The following LONRF3 variants were observed in gnomAD, a reference collection of about 807,000 sequenced individuals.
LONRF3 encodes the protein LON peptidase N-terminal domain and ring finger 3.
LONRF3 carries 19 observed loss-of-function variants against 51.7 expected under a neutral mutation model. The observed-to-expected ratio is 0.37, with a 90% confidence interval of 0.26 to 0.54. The LOEUF (loss-of-function observed/expected upper bound fraction) is 0.54. Among genes scored for constraint, LONRF3 ranks in the 20% least tolerant of loss-of-function variants. LONRF3 has a pLI of 0.86. For missense variants in LONRF3, 521 were observed against 623.9 expected (o/e 0.84, Z 1.76); for synonymous variants, 265 against 257.8 (o/e 1.03, Z -0.27).
intron 5 of LONRF3, among the ~76,000 whole-genome samples, chrX:118,991,128 G>A: frequency 8.9e-6 from 1 of 111,744 alleles, no homozygotes; most frequent in Admixed American, 9.5e-5. Context: ...AAAGTCCTGG[G>A]ATTACAGGCC....
At chrX:119,007,040 T>C (rs754115275) in intron 6 of LONRF3, among the ~76,000 whole-genome samples, 1 of 112,677 alleles carries the variant, frequency 8.9e-6, no homozygotes, top group Non-Finnish European at 1.9e-5. Flanking sequence ...TCCTGTCTTA[T>C]AGCCACTGTC....
chrX:119,014,233 C>T lies in LONRF3; in HGVS notation c.2001C>T (p.Leu667=). The change falls in exon 10 of 11, where the codon CTC becomes CTT. Residue 667 remains leucine, a synonymous_variant. Transcript: ENST00000371628. ...TTCAGGGAGAGGATTGTGCTGAGCT[C>T]ATGGGATTACATAACTGTGTCTATC... is the stretch of plus-strand genomic sequence containing the variant. ...QKVQGEDCAE[L]MGLHNCVYQQ... The T allele has an allele frequency of 8.3e-7, 1 of 1,208,985 alleles. No individual in the cohort carries two copies. The highest frequency in any genetic ancestry group is 1.1e-6 in the Non-Finnish European group (1 of 893,797).
intron 2 of LONRF3, among the ~76,000 whole-genome samples, chrX:118,980,316 A>G (rs186375896): frequency 8.9e-6 from 1 of 112,474 alleles, no homozygotes; most frequent in East Asian, 2.8e-4. Context: ...CCTGTAATCC[A>G]ACACACTATT....
Position 119,011,953 on chromosome X carries a change from C to A in LONRF3, c.1791C>A (p.Cys597Ter). ...IETGTRQFGM[C>*]LGDPVKGFAE... ...CAGGCACGAGACAGTTTGGCATGTGCCTTGGAGATCCTGTCAAAGGGTAAG... is the reference window on the plus strand; with the variant it reads ...CAGGCACGAGACAGTTTGGCATGTGACTTGGAGATCCTGTCAAAGGGTAAG... The change falls in exon 8 of 11, where the codon TGC becomes TGA. Residue 597 changes from cysteine to a stop codon, truncating the protein, a stop_gained. Coordinates refer to ENST00000371628, the MANE Select transcript of LONRF3 (RefSeq NM_001031855.3). LOFTEE classifies it high-confidence loss of function. 2 of 1,211,409 alleles carry A rather than the reference C, an allele frequency of 1.7e-6. No individual in the cohort carries two copies. Among genetic ancestry groups the A allele is most frequent in the Non-Finnish European group, 2.2e-6 (2 of 895,354 alleles).
intron 1 of LONRF3, chrX:118,976,346 TGC>T (rs1044260822): frequency 3.5e-5 from 4 of 113,836 alleles, no homozygotes; most frequent in Non-Finnish European, 7.5e-5. Flanking sequence ...CACGAGCATG[TGC>T]GGGGGGAGGG....
chrX:118,976,485 C>T (rs1347630222), intron 1 of LONRF3: 1 of 113,449 alleles, frequency 8.8e-6, no homozygotes, highest in East Asian at 2.8e-4. Context: ...GCCTCCAACC[C>T]CTTTAACCTG....
At chrX:119,004,933 A>G (rs1397161777) in intron 5 of LONRF3, among the ~76,000 whole-genome samples, 1 of 112,723 alleles carries the variant, frequency 8.9e-6, no homozygotes, top group Non-Finnish European at 1.9e-5. Flanking sequence ...GAAGTTGGAT[A>G]GACTTTCATC....
intron 6 of LONRF3, among the ~76,000 whole-genome samples, chrX:119,008,732 C>G (rs1924898621): frequency 9.0e-6 from 1 of 111,201 alleles, no homozygotes; most frequent in Admixed American, 9.5e-5. Flanking sequence ...TTGAGCATAT[C>G]CCAGATGGAG....
Position 119,006,233 on chromosome X carries a change from C to T in LONRF3, c.1528C>T (p.Gln510Ter). The T allele has an allele frequency of 9.1e-7, 1 of 1,103,080 alleles. No homozygotes were observed. The highest frequency in any genetic ancestry group is 1.2e-6 in the Non-Finnish European group (1 of 805,711). The allele number at this position is 1,103,080 out of a possible 1,213,427, so 90.9% of individuals were successfully genotyped here. ...KCPLCKDGLS[Q>*]CLASRKYSKN... The stretch of plus-strand genomic sequence containing the variant: ...TCCATTGTGCAAAGACGGTCTTTCA[C>T]AGGTAAATCAATATTTCTTTCTTGT... The change falls in exon 6 of 11, where the codon CAG (glutamine) becomes TAG (stop). Residue 510 changes from glutamine (Q) to a stop codon, truncating the protein, a stop_gained and splice_region_variant. Coordinates refer to ENST00000371628, the MANE Select transcript of LONRF3 (RefSeq NM_001031855.3). LOFTEE classifies it high-confidence loss of function.
Position 119,017,599 on chromosome X carries a change from C to T in LONRF3, c.2189C>T (p.Ala730Val). 1 of 1,210,789 alleles carries T rather than the reference C, an allele frequency of 8.3e-7. No homozygotes were observed. The highest frequency in any genetic ancestry group is 1.1e-6 in the Non-Finnish European group (1 of 894,887). Residue 730 changes from alanine (A) to valine (V), a missense_variant, in exon 11 of 11, where the codon GCT becomes GTT. By Grantham distance (64) the Ala-to-Val change is moderately conservative (BLOSUM62 0). This residue lies in a region of LONRF3 where 145 missense variants were observed against 247.2 expected (regional missense o/e 0.59). Coordinates refer to ENST00000371628, the MANE Select transcript of LONRF3 (RefSeq NM_001031855.3). Reference sequence around the variant, plus strand: ...GCAGTTCTTCCCTTGGAAAGCCGAGCTCAGCTCCCCTTCCTAGCAATGAGG... The same window carrying T: ...GCAGTTCTTCCCTTGGAAAGCCGAGTTCAGCTCCCCTTCCTAGCAATGAGG... ...MLAVLPLESR[A>V]QLPFLAMRSL...
At chrX:118,998,085 A>G (rs1042583112) in intron 5 of LONRF3, among the ~76,000 whole-genome samples, 3 of 112,484 alleles carry the variant, frequency 2.7e-5, no homozygotes, top group African/African-American at 9.7e-5. Flanking sequence ...AACTAAAAGT[A>G]GAACTGCCAT....
chrX:118,988,423 G>A (rs1923166533), intron 3 of LONRF3, among the ~76,000 whole-genome samples: 1 of 111,932 alleles, frequency 8.9e-6, no homozygotes, highest in Admixed American at 9.4e-5. Context: ...ACTCCTGAGT[G>A]GCCAATGCCT....
intron 1 of LONRF3, among the ~76,000 whole-genome samples, chrX:118,977,158 C>T (rs1381467737): frequency 9.5e-6 from 1 of 105,577 alleles, no homozygotes; most frequent in African/African-American, 3.6e-5. Flanking sequence ...AAGCCCTGAG[C>T]ACACCCCTGG....
intron 4 of LONRF3, among the ~76,000 whole-genome samples, chrX:118,990,181 T>G (rs1458720935): frequency 8.9e-6 from 1 of 112,395 alleles, no homozygotes; most frequent in Non-Finnish European, 1.9e-5. Context: ...ATTGAGTTGC[T>G]GTAGCTTCTG....
intron 8 of LONRF3, chrX:119,012,785 A>G: frequency 2.9e-6 from 2 of 691,944 alleles, no homozygotes; most frequent in Non-Finnish European, 4.1e-6. Context: ...GAGGAGGCAA[A>G]CATTCAAACC....
In LONRF3 at chrX:118,975,555, G is replaced by A; in HGVS notation, c.775G>A (p.Val259Met). 2 of 1,197,931 alleles carry A rather than the reference G, an allele frequency of 1.7e-6. No individual in the cohort carries two copies. Among genetic ancestry groups the A allele is most frequent in the Middle Eastern group, 2.3e-4 (1 of 4,296 alleles). The change falls in exon 1 of 11, where the codon GTG becomes ATG. Residue 259 changes from valine to methionine, a missense_variant. Val to Met is a conservative substitution (Grantham distance 21, BLOSUM62 1). Transcript: ENST00000371628. ...EGNRLYRERQ[V>M]EAALLKYNEA... ...CAACCGACTGTACCGCGAGCGCCAGGTGGAGGCGGCACTGCTCAAGTACAA... is the reference window on the plus strand; with the variant it reads ...CAACCGACTGTACCGCGAGCGCCAGATGGAGGCGGCACTGCTCAAGTACAA...
intron 3 of LONRF3, among the ~76,000 whole-genome samples, chrX:118,988,630 T>TGACCTATG (rs917067887): frequency 9.0e-6 from 1 of 111,444 alleles, no homozygotes; most frequent in African/African-American, 3.3e-5. Flanking sequence ...ATGAGTATCT[T>TGACCTATG]GACCTATGGA....
chrX:118,984,053 G>A (rs369471661), intron 3 of LONRF3, among the ~76,000 whole-genome samples: 32 of 112,092 alleles, frequency 2.9e-4, no homozygotes, highest in African/African-American at 6.2e-4. Context: ...GCTAACATTC[G>A]TTGAGAATTT....
At chrX:119,004,594 T>A (rs1405928949) in intron 5 of LONRF3, among the ~76,000 whole-genome samples, 2 of 112,323 alleles carry the variant, frequency 1.8e-5, no homozygotes, top group Non-Finnish European at 3.8e-5. Context: ...GGCCTACTGA[T>A]CTGAATCTCT....
Sources: gnomAD v4.1 joint callset for allele counts (sites outside exome capture counted in the v4.1 genomes callset) on GRCh38, gnomAD v4.1.1 for gene constraint, gnomAD v4.1.1 regional missense constraint, MANE v1.5 for transcripts, NCBI Gene and HGNC (gene_info 2026-07-23, HGNC 2026-07-21) for gene names.